The following TBC1D20 variants were observed in gnomAD, a reference collection of about 807,000 sequenced individuals.
The protein encoded by TBC1D20 is chromosome 20 open reading frame 140.
TBC1D20 carries 12 observed loss-of-function variants against 41.6 expected under a neutral mutation model. The ratio of observed to expected loss-of-function variants is 0.29; its 90% confidence interval spans 0.18 to 0.47. The LOEUF is 0.47. Among genes scored for constraint, TBC1D20 ranks in the 20% least tolerant of loss-of-function variants. The probability of loss-of-function intolerance (pLI) is 1.00; values close to 1 mark genes in which losing one functional copy is unlikely to be tolerated. For synonymous variants in TBC1D20, 205 were observed against 204.8 expected (o/e 1.00, Z -0.01); for missense variants, 421 against 517.4 (o/e 0.81, Z 1.81).
At chr20:444,747 C>T (rs982138487) in intron 3 of TBC1D20, among the ~76,000 whole-genome samples, 6 of 152,190 alleles carry the variant, frequency 3.9e-5, no homozygotes, top group Non-Finnish European at 8.8e-5. Flanking sequence ...CCCAATTCCA[C>T]ACCAATCTGC....
chr20:457,223 A>G (rs973545387), intron 1 of TBC1D20, among the ~76,000 whole-genome samples: 3 of 152,102 alleles, frequency 2.0e-5, no homozygotes, highest in Non-Finnish European at 1.5e-5. Flanking sequence ...GGCATGAGCC[A>G]CCGCATCTGG....
Position 449,285 on chromosome 20 carries a change from T to TAAAAA in TBC1D20, c.71-1216_71-1212dup, listed in dbSNP as rs1169245536. Reference sequence around the variant, plus strand: ...CTCCTGTCTCAGCCTCCCAATACATTAAAAAAAAAAAAAAAAAAAAGGTAA... The same window carrying TAAAAA: ...CTCCTGTCTCAGCCTCCCAATACATTAAAAAAAAAAAAAAAAAAAAAAAAAGGTAA... On this transcript the variant is annotated intron_variant, in intron 1 of 7. Coordinates refer to ENST00000354200, the MANE Select transcript of TBC1D20 (RefSeq NM_144628.4). Among the ~76,000 whole-genome samples, 473 of 56,910 alleles carry TAAAAA rather than the reference T, an allele frequency of 8.3e-3. 17 individuals are homozygous for TAAAAA. Among genetic ancestry groups the TAAAAA allele is most frequent in the East Asian group, 0.021 (47 of 2,200 alleles). 37.3% of individuals were successfully genotyped at this position (56,910 alleles called of 152,430 possible).
At chr20:455,608 ACT>A (rs1600342453) in intron 1 of TBC1D20, among the ~76,000 whole-genome samples, 1 of 151,754 alleles carries the variant, frequency 6.6e-6, no homozygotes, top group Non-Finnish European at 1.5e-5. Context: ...ACAGAGTGAC[ACT>A]CTGTCTCATA....
intron 1 of TBC1D20, among the ~76,000 whole-genome samples, chr20:455,609 C>T (rs1221056682): frequency 6.7e-6 from 1 of 149,482 alleles, no homozygotes; most frequent in African/African-American, 2.5e-5. Flanking sequence ...CAGAGTGACA[C>T]TCTGTCTCAT....
intron 1 of TBC1D20, among the ~76,000 whole-genome samples, chr20:458,200 C>G (rs922807014): frequency 3.9e-5 from 6 of 152,118 alleles, no homozygotes; most frequent in Admixed American, 1.3e-4. Context: ...ACTATGCAGT[C>G]AACTGAATTT....
In TBC1D20 at chr20:438,024, C is replaced by T. The variant is rs1424237191; in HGVS notation, c.*562G>A. 6.5e-6 allele frequency: 1 copy of T among 153,482 alleles called. No individual in the cohort carries two copies. Among genetic ancestry groups the T allele is most frequent in the African/African-American group, 2.4e-5 (1 of 41,408 alleles). 9.5% of individuals were successfully genotyped at this position (153,482 alleles called of 1,614,324 possible). The stretch of plus-strand genomic sequence containing the variant: ...AAAATAGGTAGGATTTAACGAGTAA[C>T]CTAGTTCCCTTCTGTCTCTGATTTC... On this transcript the variant is annotated 3_prime_UTR_variant, in exon 8 of 8. Transcript: ENST00000354200.
chr20:457,419 A>G (rs1430309339), intron 1 of TBC1D20, among the ~76,000 whole-genome samples: 1 of 151,748 alleles, frequency 6.6e-6, no homozygotes, highest in Non-Finnish European at 1.5e-5. Context: ...GTGGGGTCTC[A>G]TTATGTTGCC....
In TBC1D20 at chr20:440,057, C is replaced by A. The variant is rs540514985; in HGVS notation, c.768+191G>T. 3.9e-5 allele frequency among the ~76,000 whole-genome samples: 6 copies of A among 152,336 alleles called. No individual in the cohort carries two copies. In the South Asian group the frequency reaches 1.2e-3, roughly 32 times the overall value. On this transcript the variant is annotated intron_variant, in intron 6 of 7. Transcript: ENST00000354200. ...AAAATCTGATTTTGTTTATACCCAG[C>A]ATTTCCCAACTTACTATTTTTTGTG... is the stretch of plus-strand genomic sequence containing the variant.
In TBC1D20 at chr20:436,597, G is replaced by A. The variant is rs1217132990; in HGVS notation, c.*1989C>T. 2 of 153,708 alleles carry A rather than the reference G, an allele frequency of 1.3e-5. No homozygotes were observed. The highest frequency in any genetic ancestry group is 2.9e-5 in the Non-Finnish European group (2 of 68,044). 9.5% of individuals were successfully genotyped at this position (153,708 alleles called of 1,614,324 possible). ...AAACAGGCTTGAGTACTTGTGGAAG[G>A]AGGGGCAGCTGGTGCCGCCCACTGA... On this transcript the variant is annotated 3_prime_UTR_variant, in exon 8 of 8. Transcript: ENST00000354200.
intron 5 of TBC1D20, 40 bp from the exon 6 acceptor site, chr20:440,429 C>T (rs1260822899): frequency 6.2e-7 from 1 of 1,610,548 alleles, no homozygotes. Context: ...TCCTGTGGGC[C>T]ATCCCTTCCC....
chr20:439,266 C>T lies in TBC1D20; in HGVS notation c.798G>A (p.Leu266=), dbSNP rs1354114635. The change falls in exon 7 of 8, where the codon CTG becomes CTA. Residue 266 remains leucine (L), a synonymous_variant. Transcript: ENST00000354200. The surrounding 1 kb of genome is among the most constrained non-coding windows in gnomAD (Gnocchi z 4.6). ...VIVLYREQEV[L]DCDCDMASVH... ...CCGAGGCCATGTCACAGTCACAGTC[C>T]AGGACTTCCTGCTCGCGATACAACA... The T allele has an allele frequency of 6.2e-7, 1 of 1,612,042 alleles. No individual in the cohort carries two copies.
chr20:461,814 A>C (rs924921556), intron 1 of TBC1D20, among the ~76,000 whole-genome samples: 5 of 152,276 alleles, frequency 3.3e-5, no homozygotes, highest in African/African-American at 1.2e-4. Context: ...CGATGGCTGC[A>C]CAACTTTGTG....
At chr20:461,578 T>G (rs1330679039) in intron 1 of TBC1D20, among the ~76,000 whole-genome samples, 1 of 152,176 alleles carries the variant, frequency 6.6e-6, no homozygotes, top group African/African-American at 2.4e-5. Context: ...CCCAGCCTGA[T>G]CTCGAAATCC....
intron 5 of TBC1D20, chr20:440,681 G>A (rs916657049): frequency 5.2e-5 from 16 of 310,228 alleles, no homozygotes; most frequent in South Asian, 2.6e-4. Flanking sequence ...AGAGAACTAC[G>A]CCATGATTCT....
At chr20:441,216 C>A in intron 5 of TBC1D20, 1 of 180,436 alleles carries the variant, frequency 5.5e-6, no homozygotes, top group Non-Finnish European at 1.2e-5. Flanking sequence ...AAAAATATTT[C>A]TTCTCTTTGG....
chr20:441,580 A>C lies in TBC1D20; in HGVS notation c.626+8T>G, dbSNP rs768435159. 1 of 1,612,632 alleles carries C rather than the reference A, an allele frequency of 6.2e-7. No homozygotes were observed. Among genetic ancestry groups the C allele is most frequent in the South Asian group, 1.1e-5 (1 of 91,054 alleles). On this transcript the variant is annotated splice_region_variant and intron_variant, in intron 5 of 7. Transcript: ENST00000354200. ...TGCATGCACACAGAAATGCAGACACATATGTACCTCTGCATGAAGTCATGG... is the reference window on the plus strand; with the variant it reads ...TGCATGCACACAGAAATGCAGACACCTATGTACCTCTGCATGAAGTCATGG...
intron 1 of TBC1D20, among the ~76,000 whole-genome samples, chr20:462,062 G>A (rs1273058299): frequency 6.6e-6 from 1 of 152,214 alleles, no homozygotes; most frequent in Admixed American, 6.5e-5. Context: ...AGAAAGCCGG[G>A]GCGCGAAGCC....
intron 1 of TBC1D20, among the ~76,000 whole-genome samples, chr20:452,211 AGAG>A (rs930677267): frequency 6.6e-6 from 1 of 152,198 alleles, no homozygotes; most frequent in Non-Finnish European, 1.5e-5. Flanking sequence ...TGAGGCTGAA[AGAG>A]GAGAATTGCT....
In TBC1D20 at chr20:439,623, G is replaced by C. The variant is rs1373726429; in HGVS notation, c.769-328C>G. On this transcript the variant is annotated intron_variant, in intron 6 of 7. Coordinates refer to ENST00000354200, the MANE Select transcript of TBC1D20 (RefSeq NM_144628.4). This position sits in a 1 kb window ranked among gnomAD's most constrained non-coding sequence, Gnocchi z 4.6. ...GAGATTCTTTTAGGAGAAAGTAGGA[G>C]AATTATTGGGAGATTCCTGGAGCTC... is the stretch of plus-strand genomic sequence containing the variant. Among the ~76,000 whole-genome samples, 6 of 152,174 alleles carry C rather than the reference G, an allele frequency of 3.9e-5. No homozygotes were observed. Among genetic ancestry groups the C allele is most frequent in the African/African-American group, 1.4e-4 (6 of 41,450 alleles).
Sources: gnomAD v4.1 joint callset for allele counts (sites outside exome capture counted in the v4.1 genomes callset) on GRCh38, gnomAD v4.1.1 for gene constraint, Gnocchi (gnomAD v3.1) non-coding constraint, MANE v1.5 for transcripts, NCBI Gene and HGNC (gene_info 2026-07-23, HGNC 2026-07-21) for gene names.